The following CCDC91 variants were observed in gnomAD, a reference collection of about 807,000 sequenced individuals.
CCDC91 encodes the protein coiled-coil domain-containing protein 91.
In CCDC91, 48 loss-of-function variants were observed where a neutral mutation model predicts 63.2. The ratio of observed to expected loss-of-function variants is 0.76; its 90% confidence interval spans 0.60 to 0.97. The LOEUF (loss-of-function observed/expected upper bound fraction) is 0.97, where lower values mean the gene tolerates loss of function less well. Among genes scored for constraint, CCDC91 ranks in the 50% least tolerant of loss-of-function variants. The pLI, the probability that CCDC91 is intolerant of heterozygous loss-of-function variation, is 0.00. For synonymous variants in CCDC91, 167 were observed against 165.8 expected, an observed-to-expected ratio of 1.01 and a Z score of -0.06; for missense variants, 500 against 494.6, an observed-to-expected ratio of 1.01 and a Z score of -0.10.
chr12:28,535,151 G>A (rs1942048831), intron 12 of CCDC91, among the ~76,000 whole-genome samples: 1 of 152,134 alleles, frequency 6.6e-6, no homozygotes, highest in Non-Finnish European at 1.5e-5. Context: ...TGTTTAATGT[G>A]TATAGTTTCA....
intron 1 of CCDC91, among the ~76,000 whole-genome samples, chr12:28,213,388 T>A (rs941899812): frequency 6.6e-6 from 1 of 152,226 alleles, no homozygotes; most frequent in Non-Finnish European, 1.5e-5. Context: ...AGTTTTCTAT[T>A]TATACAGACA....
At chr12:28,540,081 G>C (rs1019180976) in intron 12 of CCDC91, among the ~76,000 whole-genome samples, 1 of 152,124 alleles carries the variant, frequency 6.6e-6, no homozygotes, top group African/African-American at 2.4e-5. Flanking sequence ...AAATATGAAA[G>C]TAAGCAGGCA....
chr12:28,445,977 A>C (rs1033087390), intron 8 of CCDC91, among the ~76,000 whole-genome samples: 1 of 152,182 alleles, frequency 6.6e-6, no homozygotes, highest in Non-Finnish European at 1.5e-5. Flanking sequence ...ATACTTAACT[A>C]GGGGATTTAT....
chr12:28,265,093 A>G (rs568410360), intron 3 of CCDC91, among the ~76,000 whole-genome samples: 5 of 152,160 alleles, frequency 3.3e-5, no homozygotes, highest in African/African-American at 9.6e-5. Flanking sequence ...ATTGTGTACA[A>G]TGTGGGTGGT....
chr12:28,377,647 A>G (rs1945031781), intron 7 of CCDC91, among the ~76,000 whole-genome samples: 1 of 151,814 alleles, frequency 6.6e-6, no homozygotes, highest in African/African-American at 2.4e-5. Flanking sequence ...TTTTTATATC[A>G]TCTTCTCAAA....
At chr12:28,283,529 A>G (rs1306045617) in intron 3 of CCDC91, among the ~76,000 whole-genome samples, 1 of 144,580 alleles carries the variant, frequency 6.9e-6, no homozygotes, top group East Asian at 1.9e-4. Flanking sequence ...GGTGTATAGC[A>G]GTGGCACATT....
chr12:28,508,549 C>T (rs150722625), intron 12 of CCDC91, among the ~76,000 whole-genome samples: 28 of 151,866 alleles, frequency 1.8e-4, no homozygotes, highest in African/African-American at 2.9e-4. Context: ...TTACTTTATC[C>T]GATTGTGTAA....
chr12:28,391,304 G>A lies in CCDC91; in HGVS notation c.655G>A (p.Ala219Thr), dbSNP rs757415445. The A allele has an allele frequency of 2.5e-6, 4 of 1,595,700 alleles. No individual in the cohort carries two copies. Among genetic ancestry groups the A allele is most frequent in the Non-Finnish European group, 3.4e-6 (4 of 1,167,610 alleles). The change falls in exon 8 of 13, where the codon GCA becomes ACA. Residue 219 changes from alanine to threonine, a missense_variant and splice_region_variant. Physicochemically the swap from Ala to Thr is moderately conservative, Grantham distance 58. Coordinates refer to ENST00000536442, the MANE Select transcript of CCDC91 (RefSeq NM_018318.5). The stretch of plus-strand genomic sequence containing the variant: ...AAATGACTTTTTTGCTTGTTTTCAG[G>A]CACTACTGCAGTCTTCAGTTAAGCA... ...ALSIIVDEYK[A>T]LLQSSVKQQV... is the part of the protein sequence containing the mutation.
At chr12:28,218,235 G>A (rs1304704338) in intron 1 of CCDC91, among the ~76,000 whole-genome samples, 1 of 152,038 alleles carries the variant, frequency 6.6e-6, no homozygotes, top group Non-Finnish European at 1.5e-5. Context: ...GGGCTTTCAA[G>A]GGAATGCGCA....
intron 12 of CCDC91, among the ~76,000 whole-genome samples, chr12:28,506,061 G>A (rs1026505350): frequency 7.2e-5 from 11 of 151,922 alleles, no homozygotes; most frequent in African/African-American, 2.7e-4. Context: ...AGTCTTATTT[G>A]TATTTACTTT....
chr12:28,316,792 T>G (rs1380292388), intron 6 of CCDC91, among the ~76,000 whole-genome samples: 1 of 151,874 alleles, frequency 6.6e-6, no homozygotes, highest in Non-Finnish European at 1.5e-5. Context: ...TGGCAACATT[T>G]TATAATTTTC....
chr12:28,477,905 A>T (rs1951202379), intron 11 of CCDC91, among the ~76,000 whole-genome samples: 1 of 152,176 alleles, frequency 6.6e-6, no homozygotes, highest in South Asian at 2.1e-4. Flanking sequence ...CCAACTTACA[A>T]GGGATGTGAA....
intron 1 of CCDC91, among the ~76,000 whole-genome samples, chr12:28,225,457 CT>C (rs774145419): frequency 2.1e-4 from 31 of 148,386 alleles, no homozygotes; most frequent in South Asian, 2.1e-4. Context: ...CCACTACCCC[CT>C]TTTTTTTTTG....
intron 11 of CCDC91, among the ~76,000 whole-genome samples, chr12:28,458,040 A>C (rs1248052609): frequency 6.6e-6 from 1 of 152,140 alleles, no homozygotes; most frequent in Non-Finnish European, 1.5e-5. Context: ...GAAGCCACAG[A>C]CATTACAATC....
At chr12:28,512,586 G>A (rs886849036) in intron 12 of CCDC91, among the ~76,000 whole-genome samples, 1 of 151,818 alleles carries the variant, frequency 6.6e-6, no homozygotes, top group Middle Eastern at 3.2e-3. Flanking sequence ...ATTTATTTAC[G>A]TATTATTTAT....
At chr12:28,441,712 ATATC>A (rs1949229214) in intron 8 of CCDC91, among the ~76,000 whole-genome samples, 2 of 45,080 alleles carry the variant, frequency 4.4e-5, no homozygotes, top group South Asian at 7.2e-4. Flanking sequence ...TCTCATATAT[ATATC>A]TCATATATAT....
At chr12:28,309,541 A>T (rs1215154963) in intron 6 of CCDC91, among the ~76,000 whole-genome samples, 1 of 152,012 alleles carries the variant, frequency 6.6e-6, no homozygotes, top group East Asian at 1.9e-4. Flanking sequence ...GTCTTATAGG[A>T]TATTAACCAG....
intron 12 of CCDC91, among the ~76,000 whole-genome samples, chr12:28,538,554 C>T (rs1942373786): frequency 6.6e-6 from 1 of 151,980 alleles, no homozygotes; most frequent in Non-Finnish European, 1.5e-5. Context: ...GTGAATAGTG[C>T]CACAATAAAC....
chr12:28,508,346 C>G (rs1938988946), intron 12 of CCDC91, among the ~76,000 whole-genome samples: 1 of 151,650 alleles, frequency 6.6e-6, no homozygotes, highest in Non-Finnish European at 1.5e-5. Context: ...TTCTGGACTC[C>G]TCTTATGCTT....
Sources: allele counts gnomAD v4.1 joint callset (sites outside exome capture counted in the v4.1 genomes callset), GRCh38; gene constraint gnomAD v4.1.1; transcripts MANE v1.5; gene names NCBI Gene and HGNC (gene_info 2026-07-23, HGNC 2026-07-21).